DMD: variants seen among roughly 807,000 people sequenced by gnomAD.
DMD encodes mutant dystrophin.
Under a neutral mutation model 330.1 loss-of-function variants are expected in DMD, and 63 were observed. That is an observed-to-expected ratio of 0.19 (90% CI 0.16 to 0.24). DMD has a LOEUF of 0.24. Among genes scored for constraint, DMD ranks in the 10% least tolerant of loss-of-function variants. The pLI is 1.00. For missense variants in DMD, 3,344 were observed against 2,684.1 expected, an observed-to-expected ratio of 1.25 and a Z score of -5.43; for synonymous variants, 1,223 against 959.8, an observed-to-expected ratio of 1.27 and a Z score of -5.07.
intron 1 of DMD, among the ~76,000 whole-genome samples, chrX:33,323,893 C>T (rs767008965): frequency 1.8e-5 from 2 of 110,778 alleles, no homozygotes; most frequent in South Asian, 7.6e-4. Flanking sequence ...TAATCGAATG[C>T]TTCCATTTTT....
At chrX:33,292,971 C>T (rs947267780) in intron 1 of DMD, among the ~76,000 whole-genome samples, 10 of 110,930 alleles carry the variant, frequency 9.0e-5, no homozygotes, top group African/African-American at 2.9e-4. Flanking sequence ...CAGATCATCA[C>T]ATGTATAGGT....
At chrX:31,287,016 C>T (rs756805094) in intron 62 of DMD, among the ~76,000 whole-genome samples, 49 of 112,470 alleles carry the variant, frequency 4.4e-4, no homozygotes, top group Non-Finnish European at 8.4e-4. Flanking sequence ...CTGCCCTCCT[C>T]GGCCTCCCAA....
At chrX:31,942,128 C>G (rs2095013910) in intron 45 of DMD, among the ~76,000 whole-genome samples, 1 of 111,995 alleles carries the variant, frequency 8.9e-6, no homozygotes, top group African/African-American at 3.3e-5. Flanking sequence ...AGTGCCTAAA[C>G]TCATTTACAT....
intron 1 of DMD, among the ~76,000 whole-genome samples, chrX:33,303,151 C>A (rs1310778272): frequency 9.0e-6 from 1 of 111,419 alleles, no homozygotes; most frequent in Non-Finnish European, 1.9e-5. Context: ...TCTTATTTAT[C>A]CATTCACCTA....
At chrX:31,650,464 T>C (rs2080388501) in intron 54 of DMD, among the ~76,000 whole-genome samples, 1 of 111,432 alleles carries the variant, frequency 9.0e-6, no homozygotes, top group Non-Finnish European at 1.9e-5. Context: ...TTCATTCAAT[T>C]ACAAACAATT....
intron 44 of DMD, among the ~76,000 whole-genome samples, chrX:32,082,100 T>C (rs1490545490): frequency 9.0e-6 from 1 of 111,590 alleles, no homozygotes; most frequent in Non-Finnish European, 1.9e-5. Flanking sequence ...ATGTTCTTAG[T>C]TGCTTTAACT....
At chrX:32,786,260 GCTT>G (rs941013385) in intron 7 of DMD, among the ~76,000 whole-genome samples, 4 of 110,350 alleles carry the variant, frequency 3.6e-5, no homozygotes, top group Non-Finnish European at 7.6e-5. Flanking sequence ...TCAGATAATA[GCTT>G]TTTTTTTTAA....
intron 43 of DMD, among the ~76,000 whole-genome samples, chrX:32,239,019 CA>C (rs1384296575): frequency 1.8e-5 from 2 of 111,960 alleles, no homozygotes; most frequent in Non-Finnish European, 3.8e-5. Flanking sequence ...TTACATAGAA[CA>C]AGGTTTCTAA....
intron 47 of DMD, among the ~76,000 whole-genome samples, chrX:31,883,486 G>T (rs1278172814): frequency 2.7e-5 from 3 of 111,177 alleles, no homozygotes; most frequent in Admixed American, 9.6e-5. Flanking sequence ...CTTCAGTTTA[G>T]AAAATTTGAT....
chrX:32,452,097 G>A (rs1304862842), intron 26 of DMD, among the ~76,000 whole-genome samples: 3 of 108,520 alleles, frequency 2.8e-5, no homozygotes, highest in Non-Finnish European at 5.8e-5. Flanking sequence ...CGCTCATAGG[G>A]AGAGGGAAGA....
At chrX:32,886,174 G>A (rs928004248) in intron 2 of DMD, among the ~76,000 whole-genome samples, 1 of 110,547 alleles carries the variant, frequency 9.0e-6, no homozygotes, top group Admixed American at 9.7e-5. Flanking sequence ...TTAAAAACAT[G>A]CTAAGAATGT....
At chrX:33,161,520 G>T (rs1480501756) in intron 1 of DMD, among the ~76,000 whole-genome samples, 1 of 111,635 alleles carries the variant, frequency 9.0e-6, no homozygotes, top group Non-Finnish European at 1.9e-5. Context: ...GTTGAGAAAG[G>T]TTAAACAACA....
intron 1 of DMD, among the ~76,000 whole-genome samples, chrX:33,071,301 A>C (rs1216279058): frequency 9.1e-6 from 1 of 109,603 alleles, no homozygotes; most frequent in African/African-American, 3.3e-5. Flanking sequence ...AAATACAAAA[A>C]TTAGCCAAGT....
At chrX:32,939,403 A>T (rs1485013686) in intron 2 of DMD, among the ~76,000 whole-genome samples, 1 of 110,615 alleles carries the variant, frequency 9.0e-6, no homozygotes, top group African/African-American at 3.3e-5. Flanking sequence ...CCACCTTGCA[A>T]TAAAAAATGA....
At chrX:33,146,464 C>T (rs1267449716) in intron 1 of DMD, among the ~76,000 whole-genome samples, 1 of 111,757 alleles carries the variant, frequency 8.9e-6, no homozygotes, top group Non-Finnish European at 1.9e-5. Context: ...TATATTTCTT[C>T]ATGCTTTAGC....
At chrX:33,169,846 G>C (rs2049247149) in intron 1 of DMD, among the ~76,000 whole-genome samples, 1 of 109,406 alleles carries the variant, frequency 9.1e-6, no homozygotes, top group East Asian at 2.9e-4. Flanking sequence ...CCCCCTCCTA[G>C]AACTCTTGAT....
chrX:31,796,519 G>A (rs771896441), intron 50 of DMD, among the ~76,000 whole-genome samples: 1 of 112,188 alleles, frequency 8.9e-6, no homozygotes, highest in Non-Finnish European at 1.9e-5. Context: ...GAACATCTAC[G>A]TGGTAGCTTG....
intron 1 of DMD, among the ~76,000 whole-genome samples, chrX:33,219,468 C>CAAAA (rs368358220): frequency 1.6e-5 from 1 of 62,759 alleles, no homozygotes; most frequent in African/African-American, 5.0e-5. Flanking sequence ...TTCCACTGGA[C>CAAAA]AAAAAAAAAA....
chrX:33,179,415 C>T (rs1603391648), intron 1 of DMD, among the ~76,000 whole-genome samples: 1 of 110,959 alleles, frequency 9.0e-6, no homozygotes, highest in Non-Finnish European at 1.9e-5. Flanking sequence ...TTGAATGGGC[C>T]GGGTGCGATG....
Sources: allele counts gnomAD v4.1 joint callset (sites outside exome capture counted in the v4.1 genomes callset), GRCh38; gene constraint gnomAD v4.1.1; transcripts MANE v1.5; gene names NCBI Gene and HGNC (gene_info 2026-07-23, HGNC 2026-07-21).